CPM: variants seen among roughly 807,000 people sequenced by gnomAD.
CPM encodes the protein carboxypeptidase M.
Under a neutral mutation model 46.4 loss-of-function variants are expected in CPM, and 35 were observed. The observed-to-expected ratio is 0.75, with a 90% CI of 0.58 to 1.00. The LOEUF is 1.00. CPM is among the 50% of genes least tolerant of loss of function. The pLI is 0.00. For missense variants in CPM, 422 were observed against 530.4 expected (o/e 0.80, Z 2.01); for synonymous variants, 195 against 195.3 (o/e 1.00, Z 0.01).
rs76839452 is a variant in CPM, at chr12:68,872,021, C to T, written c.259-65G>A. On this transcript the variant is annotated intron_variant, in intron 3 of 8. Transcript: ENST00000551568. Reference sequence around the variant, plus strand: ...GAGGCAATAAGGAAAGCACTCCCTACGGTACAAATTCCCCAATAGGGGTCT... The same window carrying T: ...GAGGCAATAAGGAAAGCACTCCCTATGGTACAAATTCCCCAATAGGGGTCT... 571 of 1,545,634 alleles carry T rather than the reference C, an allele frequency of 3.7e-4. 9 individuals are homozygous for T. The East Asian group carries it at 0.011, about 30-fold the overall frequency.
chr12:68,928,943 C>G (rs1024461068), intron 2 of CPM, among the ~76,000 whole-genome samples: 3 of 150,670 alleles, frequency 2.0e-5, no homozygotes, highest in African/African-American at 7.3e-5. Flanking sequence ...AATGGAGTCT[C>G]CCATGTTGCC....
intron 2 of CPM, among the ~76,000 whole-genome samples, chr12:68,907,838 T>C (rs1214002012): frequency 6.6e-6 from 1 of 152,176 alleles, no homozygotes; most frequent in Non-Finnish European, 1.5e-5. Context: ...TATTTATTTA[T>C]TTATTTTTGA....
At chr12:68,878,856 TA>T (rs1004748605) in intron 3 of CPM, among the ~76,000 whole-genome samples, 1 of 152,122 alleles carries the variant, frequency 6.6e-6, no homozygotes, top group Non-Finnish European at 1.5e-5. Context: ...AACTAAGGCT[TA>T]AAAAAATTCC....
chr12:68,858,900 A>T (rs377535126), intron 8 of CPM, 23 bp downstream of exon 8: 2 of 1,370,934 alleles, frequency 1.5e-6, no homozygotes, highest in South Asian at 3.6e-5. Context: ...TTTTAATAAC[A>T]ATAACTAGCA....
intron 2 of CPM, among the ~76,000 whole-genome samples, chr12:68,927,503 AT>A (rs2136316585): frequency 6.6e-6 from 1 of 151,806 alleles, no homozygotes; most frequent in East Asian, 1.9e-4. Flanking sequence ...ATTTTCTCCC[AT>A]TTTGGAGGTT....
At chr12:68,889,604 G>A (rs1176896530) in intron 2 of CPM, among the ~76,000 whole-genome samples, 1 of 152,134 alleles carries the variant, frequency 6.6e-6, no homozygotes, top group Non-Finnish European at 1.5e-5. Flanking sequence ...TGAGGTGGGA[G>A]GATTACTTGA....
Position 68,842,688 on chromosome 12 carries a change from G to C in CPM, c.534-359C>G, listed in dbSNP as rs180873498. 6.7e-3 allele frequency: 1,396 copies of C among 208,022 alleles called. 10 individuals carry two copies. The highest frequency in any genetic ancestry group is 0.011 in the Non-Finnish European group (1,102 of 99,830). The allele number at this position is 208,022 out of a possible 1,614,324, so 12.9% of individuals were successfully genotyped here. A position where few individuals can be genotyped will look rare whatever the true frequency, so the allele number is the denominator to read the frequency against. ...AATGACATTCAAAAATTTATGGCTA[G>C]TGATATATATAAAGTAAAATTTTCT... On this transcript the variant is annotated intron_variant, in intron 5 of 5. Transcript: ENST00000551897.
intron 1 of CPM, among the ~76,000 whole-genome samples, chr12:68,953,861 G>A (rs2136336627): frequency 6.6e-6 from 1 of 152,370 alleles, no homozygotes; most frequent in African/African-American, 2.4e-5. Context: ...CTAGACAAAT[G>A]TTTTGCTAGT....
At chr12:68,850,856 A>ATAC (rs1884636850), downstream of CPM, among the ~76,000 whole-genome samples, 2 of 151,978 alleles carry the variant, frequency 1.3e-5, no homozygotes, top group Non-Finnish European at 2.9e-5. Flanking sequence ...CATTAATATA[A>ATAC]ATTGTGAATT....
At chr12:68,962,803 C>G (rs543528949) in intron 1 of CPM, among the ~76,000 whole-genome samples, 57 of 152,232 alleles carry the variant, frequency 3.7e-4, no homozygotes, top group Non-Finnish European at 6.8e-4. Context: ...TTCGTCTCCA[C>G]AATCCTTTAT....
intron 2 of CPM, among the ~76,000 whole-genome samples, chr12:68,901,280 T>A (rs564409002): frequency 6.6e-6 from 1 of 152,290 alleles, no homozygotes; most frequent in African/African-American, 2.4e-5. Context: ...GGTAAGAAAC[T>A]ATGCCCCCAT....
chr12:68,877,360 C>A (rs1886004984), intron 3 of CPM, among the ~76,000 whole-genome samples: 1 of 152,188 alleles, frequency 6.6e-6, no homozygotes, highest in Non-Finnish European at 1.5e-5. Context: ...TGCTAATAAA[C>A]TACTGTTGAA....
intron 2 of CPM, among the ~76,000 whole-genome samples, chr12:68,930,706 A>G (rs1888465154): frequency 6.6e-6 from 1 of 152,260 alleles, no homozygotes; most frequent in Non-Finnish European, 1.5e-5. Context: ...CATACAAGGT[A>G]AAATTAAAAA....
Position 68,859,029 on chromosome 12 carries a change from G to A in CPM, c.983C>T (p.Pro328Leu). 6.4e-7 allele frequency: 1 copy of A among 1,555,980 alleles called. No individual in the cohort carries two copies. The highest frequency in any genetic ancestry group is 1.3e-5 in the South Asian group (1 of 79,168). Reference sequence around the variant, plus strand: ...GTCTTGGACTTCCACAATTACATTGGGTAATGGATTTCCATTCTGATCAAA... The same window carrying A: ...GTCTTGGACTTCCACAATTACATTGAGTAATGGATTTCCATTCTGATCAAA... ...QVFDQNGNPL[P>L]NVIVEVQDRK... Residue 328 changes from proline to leucine, a missense_variant, in exon 8 of 9, where the codon CCC becomes CTC. Pro to Leu is a moderately conservative substitution (Grantham distance 98). Transcript: ENST00000551568.
chr12:68,921,463 A>G (rs1194653700), intron 2 of CPM, among the ~76,000 whole-genome samples: 2 of 152,176 alleles, frequency 1.3e-5, no homozygotes, highest in Non-Finnish European at 2.9e-5. Flanking sequence ...TAATGAAGGC[A>G]GGGGTGAGTG....
At chr12:68,925,667 C>T (rs1187543122) in intron 2 of CPM, among the ~76,000 whole-genome samples, 3 of 152,156 alleles carry the variant, frequency 2.0e-5, no homozygotes, top group South Asian at 2.1e-4. Flanking sequence ...AGTATGATTG[C>T]AGTCTACTAA....
chr12:68,859,119 T>G (rs757409461), intron 7 of CPM, 48 bp from the exon 8 acceptor site: 4 of 1,033,344 alleles, frequency 3.9e-6, no homozygotes, highest in Admixed American at 6.6e-5. Flanking sequence ...TTTTATGGCA[T>G]ATAAAAATTA....
chr12:68,908,564 G>T (rs536755969), intron 2 of CPM, among the ~76,000 whole-genome samples: 1 of 151,904 alleles, frequency 6.6e-6, no homozygotes, highest in Non-Finnish European at 1.5e-5. Flanking sequence ...AAATTTGAGT[G>T]CTCAAAAATA....
At chr12:68,956,027 G>T (rs1481640424) in intron 1 of CPM, among the ~76,000 whole-genome samples, 1 of 152,090 alleles carries the variant, frequency 6.6e-6, no homozygotes, top group African/African-American at 2.4e-5. Context: ...CCATCAACCT[G>T]CCCTCCACGG....
Sources: allele counts gnomAD v4.1 joint callset (sites outside exome capture counted in the v4.1 genomes callset), GRCh38; gene constraint gnomAD v4.1.1; transcripts MANE v1.5; gene names NCBI Gene and HGNC (gene_info 2026-07-23, HGNC 2026-07-21).